The following BFSP2 variants were observed in gnomAD, a reference collection of about 807,000 sequenced individuals.
BFSP2 encodes the protein phakinin.
In BFSP2, 38 loss-of-function variants were observed where a neutral mutation model predicts 44.9. That is an observed-to-expected ratio of 0.85 (90% CI 0.65 to 1.11). The LOEUF is 1.11. Among genes scored for constraint, BFSP2 ranks in the 50% least tolerant of loss-of-function variants. BFSP2 has a pLI of 0.00. For missense variants in BFSP2, 525 were observed against 533.0 expected (o/e 0.99, Z 0.15); for synonymous variants, 197 against 209.9 (o/e 0.94, Z 0.53).
intron 1 of BFSP2, among the ~76,000 whole-genome samples, chr3:133,415,995 T>C (rs1190068038): frequency 2.0e-5 from 2 of 98,118 alleles, no homozygotes; most frequent in Non-Finnish European, 4.1e-5. Flanking sequence ...CCCTGCCCTC[T>C]CCCTTCTATT....
chr3:133,472,523 A>G lies in BFSP2; in HGVS notation c.1202A>G (p.Asp401Gly), dbSNP rs1358275468. Residue 401 changes from aspartate to glycine, a missense_variant, in exon 6 of 7, where the codon GAC becomes GGC. By Grantham distance (94) the Asp-to-Gly change is moderately conservative (BLOSUM62 -1). Coordinates refer to ENST00000302334, the MANE Select transcript of BFSP2 (RefSeq NM_003571.4). ...GCCCGCAAGTGCCAGCTGCAGAAGG[A>G]CGTGGCGTCCTACCACGCCCTGCTG... ...LLARKCQLQK[D>G]VASYHALLDR... The G allele has an allele frequency of 1.2e-6, 2 of 1,612,786 alleles. No homozygotes were observed. Among genetic ancestry groups the G allele is most frequent in the Non-Finnish European group, 1.7e-6 (2 of 1,180,000 alleles).
intron 3 of BFSP2, among the ~76,000 whole-genome samples, chr3:133,450,094 G>C (rs1197529946): frequency 6.7e-6 from 1 of 150,216 alleles, no homozygotes; most frequent in African/African-American, 2.4e-5. Context: ...GGAAGGGAGG[G>C]AGAGAGGGAG....
chr3:133,429,890 T>A (rs2073692843), intron 1 of BFSP2, among the ~76,000 whole-genome samples: 1 of 151,704 alleles, frequency 6.6e-6, no homozygotes, highest in South Asian at 2.1e-4. Flanking sequence ...TATCTCCTAA[T>A]GCTATCCCTC....
intron 1 of BFSP2, among the ~76,000 whole-genome samples, chr3:133,413,068 C>T (rs957382649): frequency 1.3e-5 from 2 of 152,166 alleles, no homozygotes; most frequent in Non-Finnish European, 2.9e-5. Context: ...GGGCTGCGGA[C>T]AGTGGAGGCT....
chr3:133,469,758 G>A (rs2074144932), intron 5 of BFSP2, among the ~76,000 whole-genome samples: 1 of 152,214 alleles, frequency 6.6e-6, no homozygotes, highest in Admixed American at 6.5e-5. Flanking sequence ...TAATGTCAGG[G>A]ACTTAGGTGG....
intron 1 of BFSP2, among the ~76,000 whole-genome samples, chr3:133,417,719 ATCTCCCCTCTACTCACCCGTCC>A (rs2073554448): frequency 3.0e-5 from 1 of 33,884 alleles, no homozygotes. Flanking sequence ...CACCCCTGCC[ATCTCCCCTCTACTCACCCGTCC>A]TCTCCCCTCT....
intron 1 of BFSP2, among the ~76,000 whole-genome samples, chr3:133,440,368 C>T (rs1048349495): frequency 3.9e-5 from 6 of 152,112 alleles, no homozygotes; most frequent in East Asian, 1.9e-4. Flanking sequence ...AATAGATCCC[C>T]GTCAGAATCA....
intron 1 of BFSP2, among the ~76,000 whole-genome samples, chr3:133,415,354 A>ACTCCCCCCTGCCCTCTCTCCCCTC (rs2073511083): frequency 2.8e-5 from 1 of 35,588 alleles, no homozygotes; most frequent in African/African-American, 1.3e-4. Context: ...TCTCCCCTCT[A>ACTCCCCCCTGCCCTCTCTCCCCTC]CTCACCCCTC....
chr3:133,417,842 C>CT (rs1394830441), intron 1 of BFSP2, among the ~76,000 whole-genome samples: 2 of 143,564 alleles, frequency 1.4e-5, no homozygotes, highest in East Asian at 4.4e-4. Context: ...CTCTACTCAC[C>CT]CGTCCTCTCC....
intron 1 of BFSP2, among the ~76,000 whole-genome samples, chr3:133,416,214 C>G (rs2073526610): frequency 6.9e-6 from 1 of 144,958 alleles, no homozygotes; most frequent in African/African-American, 2.6e-5. Flanking sequence ...CCTGCCCCCT[C>G]CGCTCTACTC....
chr3:133,463,749 C>T (rs2074085310), intron 4 of BFSP2, among the ~76,000 whole-genome samples: 1 of 152,106 alleles, frequency 6.6e-6, no homozygotes, highest in Non-Finnish European at 1.5e-5. Flanking sequence ...ACTGCTTTTC[C>T]CTGCCAGCTG....
chr3:133,472,685 A>G, intron 6 of BFSP2, 120 bp downstream of exon 6: 2 of 1,218,714 alleles, frequency 1.6e-6, no homozygotes, highest in Non-Finnish European at 2.4e-6. Context: ...CCTCTCACAT[A>G]GGCACCCATT....
At chr3:133,466,004 T>G (rs2074105642) in intron 4 of BFSP2, among the ~76,000 whole-genome samples, 1 of 152,168 alleles carries the variant, frequency 6.6e-6, no homozygotes, top group Non-Finnish European at 1.5e-5. Context: ...AAGACAACAC[T>G]GTGCAGCCGC....
Position 133,448,565 on chromosome 3 carries a change from A to C in BFSP2, c.649A>C (p.Asn217His). ...NSLYKVIDEA[N>H]LTKMDLESQI... is the part of the protein sequence containing the mutation. Reference sequence around the variant, plus strand: ...TCTGTATAAAGTCATTGATGAGGCTAATTTGACTAAAATGGACCTGGAGAG... The same window carrying C: ...TCTGTATAAAGTCATTGATGAGGCTCATTTGACTAAAATGGACCTGGAGAG... Residue 217 changes from asparagine to histidine, a missense_variant, in exon 3 of 7, where the codon AAT (asparagine) becomes CAT (histidine). By Grantham distance (68) the Asn-to-His change is moderately conservative. Coordinates refer to ENST00000302334, the MANE Select transcript of BFSP2 (RefSeq NM_003571.4). 6.2e-7 allele frequency: 1 copy of C among 1,614,156 alleles called. No homozygotes were observed. Among genetic ancestry groups the C allele is most frequent in the Non-Finnish European group, 8.5e-7 (1 of 1,180,010 alleles).
chr3:133,455,035 T>C (rs572980495), intron 4 of BFSP2, among the ~76,000 whole-genome samples: 1 of 152,262 alleles, frequency 6.6e-6, no homozygotes, highest in Middle Eastern at 3.2e-3. Flanking sequence ...CAGTGACATG[T>C]GTGGAGCTTT....
intron 4 of BFSP2, among the ~76,000 whole-genome samples, chr3:133,463,619 C>A (rs1224100831): frequency 6.6e-6 from 1 of 152,230 alleles, no homozygotes; most frequent in East Asian, 1.9e-4. Context: ...AGGTCATATA[C>A]CAGTTTAACT....
At chr3:133,434,462 C>A (rs949518257) in intron 1 of BFSP2, among the ~76,000 whole-genome samples, 28 of 152,136 alleles carry the variant, frequency 1.8e-4, no homozygotes, top group Admixed American at 1.8e-3. Flanking sequence ...CCATACCACC[C>A]CCCAAAAATT....
At chr3:133,420,294 A>C (rs1320077022) in intron 1 of BFSP2, among the ~76,000 whole-genome samples, 1 of 152,100 alleles carries the variant, frequency 6.6e-6, no homozygotes, top group African/African-American at 2.4e-5. Flanking sequence ...TGCTGTCAGG[A>C]AGTAGGGGCA....
rs141754953 is a variant in BFSP2 at position 133,450,237 on chromosome 3, T to G, written c.730-66T>G. ...ATTGCCCACAGAGCTGGTTTTCTGCTGGCTAGAATTCTATGCCATTTATTT... is the reference window on the plus strand; with the variant it reads ...ATTGCCCACAGAGCTGGTTTTCTGCGGGCTAGAATTCTATGCCATTTATTT... On this transcript the variant is annotated intron_variant, in intron 3 of 6. Coordinates refer to ENST00000302334, the MANE Select transcript of BFSP2 (RefSeq NM_003571.4). 7.5e-4 allele frequency: 1,180 copies of G among 1,571,018 alleles called. 9 individuals carry two copies. In the African/African-American group the frequency reaches 0.014, roughly 19 times the overall value.
Sources: allele counts gnomAD v4.1 joint callset (sites outside exome capture counted in the v4.1 genomes callset), GRCh38; gene constraint gnomAD v4.1.1; transcripts MANE v1.5; gene names NCBI Gene and HGNC (gene_info 2026-07-23, HGNC 2026-07-21).